NIN: variants seen among roughly 807,000 people sequenced by gnomAD.
The protein encoded by NIN is glycogen synthase kinase 3 beta-interacting protein.
In NIN, 137 loss-of-function variants were observed where a neutral mutation model predicts 257.6. That is an observed-to-expected ratio of 0.53 (90% CI 0.46 to 0.61). The LOEUF (loss-of-function observed/expected upper bound fraction) is 0.61. Ranked by LOEUF, NIN falls within the 20% of genes least tolerant of loss-of-function variation. The probability of loss-of-function intolerance (pLI) is 0.00; values close to 1 mark genes in which losing one functional copy is unlikely to be tolerated. For synonymous variants in NIN, 918 were observed against 919.8 expected, an observed-to-expected ratio of 1.00 and a Z score of 0.04; for missense variants, 2,439 against 2,501.2, an observed-to-expected ratio of 0.98 and a Z score of 0.53.
chr14:50,746,217 T>C (rs1272651070), intron 22 of NIN, among the ~76,000 whole-genome samples: 7 of 152,094 alleles, frequency 4.6e-5, no homozygotes, highest in South Asian at 4.2e-4. Context: ...AGACAGGCTT[T>C]CAAAAAGTCA....
rs769621534 is a variant in NIN at position 50,723,540 on chromosome 14, TCTC to T, written c.6322_6324del (p.Glu2108del). 3.7e-6 allele frequency: 6 copies of T among 1,613,772 alleles called. No homozygotes were observed. The highest frequency in any genetic ancestry group is 3.4e-6 in the Non-Finnish European group (4 of 1,179,860). On this transcript the variant is annotated inframe_deletion, in exon 31 of 31. Transcript: ENST00000530997. ...ACTATATTACTGAGGCTGGCAATCTTCTCCTCCAGGAGGTAATTTTTCTTCTCT... is the reference window on the plus strand; with the variant it reads ...ACTATATTACTGAGGCTGGCAATCTTCTCCAGGAGGTAATTTTTCTTCTCT...
chr14:50,734,565 G>A (rs983686550), intron 28 of NIN, among the ~76,000 whole-genome samples: 19 of 152,302 alleles, frequency 1.2e-4, no homozygotes, highest in African/African-American at 4.3e-4. Flanking sequence ...TCCTTAAGAA[G>A]GATGTACACA....
At position 50,766,332 on chromosome 14, in the gene NIN, C is replaced by A. The variant is rs2042486126; in HGVS notation, c.1610G>T (p.Arg537Ile). The part of the protein sequence containing the change: ...FLQEERLTQM[R>I]NEYERQCRVL... ...CCTGCACTGCCGCTCATATTCATTT[C>A]TCATCTGTGTCAGTCTCTCTTCTTG... The change falls in exon 14 of 31, where the codon AGA (arginine) becomes ATA (isoleucine). Residue 537 changes from arginine to isoleucine, a missense_variant. Physicochemically the swap from Arg to Ile is moderately conservative, Grantham distance 97. Around this residue, in one of 3 missense-constraint regions of NIN, gnomAD observed 2,043 missense variants for 2,050.2 expected, o/e 1.00. Transcript: ENST00000530997. 1 of 1,614,094 alleles carries A rather than the reference C, an allele frequency of 6.2e-7. No individual in the cohort carries two copies. Among genetic ancestry groups the A allele is most frequent in the Non-Finnish European group, 8.5e-7 (1 of 1,179,980 alleles).
chr14:50,740,932 A>C (rs2140489263), intron 25 of NIN, among the ~76,000 whole-genome samples: 1 of 152,344 alleles, frequency 6.6e-6, no homozygotes, highest in Non-Finnish European at 1.5e-5. Flanking sequence ...CAGCACTGTG[A>C]CTTATTAAAA....
At chr14:50,761,957 T>G in intron 15 of NIN, 46 bp from the exon 16 acceptor site, 1 of 1,608,764 alleles carries the variant, frequency 6.2e-7, no homozygotes, top group South Asian at 1.1e-5. Context: ...GTTCTTTCAA[T>G]AACACAGTGT....
At position 50,744,384 on chromosome 14, in the gene NIN, T is replaced by C; in HGVS notation, c.5065-19A>G. ...TGTGCAGCTGTAAGAGATAAACAAA[T>C]GAGCCCTCCCATCACATCTCATGGC... On this transcript the variant is annotated intron_variant, in intron 22 of 30. Coordinates refer to ENST00000530997, the MANE Select transcript of NIN (RefSeq NM_020921.4). The C allele has an allele frequency of 6.2e-7, 1 of 1,612,450 alleles. No individual in the cohort carries two copies. Among genetic ancestry groups the C allele is most frequent in the Non-Finnish European group, 8.5e-7 (1 of 1,179,242 alleles).
rs1256233609 is a variant in NIN at position 50,831,030 on chromosome 14, G to GCGCCGC, written c.-106_-101dup. 2 of 150,840 alleles carry GCGCCGC rather than the reference G, an allele frequency of 1.3e-5. No individual in the cohort carries two copies. The highest frequency in any genetic ancestry group is 4.8e-5 in the African/African-American group (2 of 41,260). 9.3% of individuals were successfully genotyped at this position (150,840 alleles called of 1,614,324 possible). On this transcript the variant is annotated 5_prime_UTR_variant, in exon 1 of 31. Coordinates refer to ENST00000530997, the MANE Select transcript of NIN (RefSeq NM_020921.4). ...CTGCGTCCCGGGGCTCAGGCGCCCGGCGCCGCCGCGGGAACCATGGCCGCT... is the reference window on the plus strand; with the variant it reads ...CTGCGTCCCGGGGCTCAGGCGCCCGGCGCCGCCGCCGCCGCGGGAACCATGGCCGCT...
chr14:50,793,032 A>G, intron 4 of NIN, 151 bp from the exon 5 acceptor site: 4 of 706,786 alleles, frequency 5.7e-6, no homozygotes, highest in Non-Finnish European at 9.5e-6. Context: ...TATATGAGCC[A>G]TCAGGTCAGA....
At chr14:50,800,785 C>CTTT (rs11362674) in intron 4 of NIN, among the ~76,000 whole-genome samples, 1 of 138,784 alleles carries the variant, frequency 7.2e-6, no homozygotes, top group Non-Finnish European at 1.6e-5. Flanking sequence ...TTTTTCTTTG[C>CTTT]TTTTTTTTTT....
intron 2 of NIN, among the ~76,000 whole-genome samples, chr14:50,826,679 T>C (rs2045471603): frequency 6.6e-6 from 1 of 152,178 alleles, no homozygotes; most frequent in Non-Finnish European, 1.5e-5. Flanking sequence ...GGGACGTCTG[T>C]TCTGGGCCAG....
chr14:50,824,288 T>C (rs1270311175), intron 2 of NIN, among the ~76,000 whole-genome samples: 1 of 152,202 alleles, frequency 6.6e-6, no homozygotes, highest in Non-Finnish European at 1.5e-5. Flanking sequence ...TCGAATTTGA[T>C]ATACTATCAT....
In NIN at chr14:50,771,455, C is replaced by T. The variant is rs1441076295; in HGVS notation, c.995G>A (p.Ser332Asn). 2 of 1,614,060 alleles carry T rather than the reference C, an allele frequency of 1.2e-6. No homozygotes were observed. The highest frequency in any genetic ancestry group is 1.7e-6 in the Non-Finnish European group (2 of 1,179,982). ...SQEILKALDF[S>N]LDGNINLTEL... ...TGTCAAATTGATGTTTCCATCGAGG[C>T]TGAAATCCAAGGCCTAGAAATCAGA... The change falls in exon 10 of 31, where the codon AGC becomes AAC. Residue 332 changes from serine (S) to asparagine (N), a missense_variant. Ser to Asn is a conservative substitution (Grantham distance 46). This residue lies in a region of NIN where 387 missense variants were observed against 427.3 expected (regional missense o/e 0.91). Coordinates refer to ENST00000530997, the MANE Select transcript of NIN (RefSeq NM_020921.4).
chr14:50,741,829 T>C (rs751293921), intron 24 of NIN, 101 bp from the exon 25 acceptor site: 22 of 1,336,082 alleles, frequency 1.6e-5, no homozygotes, highest in Non-Finnish European at 2.2e-5. Context: ...TCAAGTCTGT[T>C]TGTTTCTCTT....
intron 2 of NIN, among the ~76,000 whole-genome samples, chr14:50,826,253 C>G (rs979131774): frequency 2.0e-5 from 3 of 152,150 alleles, no homozygotes; most frequent in East Asian, 3.9e-4. Flanking sequence ...CATAATAAAC[C>G]TGGGCCTCTC....
chr14:50,794,365 G>A, intron 4 of NIN: 1 of 281,938 alleles, frequency 3.5e-6, no homozygotes, highest in Non-Finnish European at 5.4e-6. Flanking sequence ...ATTAGGTCGA[G>A]TGATTCTCTT....
intron 27 of NIN, among the ~76,000 whole-genome samples, chr14:50,736,159 G>T (rs1435917467): frequency 1.3e-5 from 2 of 150,470 alleles, no homozygotes; most frequent in Admixed American, 1.3e-4. Context: ...TTGAGACAGA[G>T]TCTCACTCTG....
chr14:50,758,659 G>C (rs751908002), intron 17 of NIN, 29 bp from the exon 18 acceptor site: 1 of 1,519,400 alleles, frequency 6.6e-7, no homozygotes, highest in Admixed American at 2.3e-5. Context: ...CAGCATTATT[G>C]AAACTGCCGC....
chr14:50,785,536 A>G (rs1400784700), intron 5 of NIN, among the ~76,000 whole-genome samples: 1 of 152,186 alleles, frequency 6.6e-6, no homozygotes, highest in African/African-American at 2.4e-5. Flanking sequence ...AGAGAAGAGG[A>G]AGGAAATGTA....
At chr14:50,762,854 AT>A (rs1327977958) in intron 15 of NIN, among the ~76,000 whole-genome samples, 2 of 152,172 alleles carry the variant, frequency 1.3e-5, no homozygotes, top group Admixed American at 6.5e-5. Context: ...TTCTCTTCAT[AT>A]TTGATGGCAT....
Sources: allele counts gnomAD v4.1 joint callset (sites outside exome capture counted in the v4.1 genomes callset), GRCh38; gene constraint gnomAD v4.1.1; regional missense constraint gnomAD v4.1.1; transcripts MANE v1.5; gene names NCBI Gene and HGNC (gene_info 2026-07-23, HGNC 2026-07-21).